The following HSPG2 variants were observed in gnomAD, a reference collection of about 807,000 sequenced individuals.
The protein encoded by HSPG2 is basement membrane-specific heparan sulfate proteoglycan core protein.
In HSPG2, 278 loss-of-function variants were observed where a neutral mutation model predicts 526.6. The observed-to-expected ratio is 0.53, with a 90% CI of 0.48 to 0.58. HSPG2 has a LOEUF of 0.58. Ranked by LOEUF, HSPG2 falls within the 20% of genes least tolerant of loss-of-function variation. The pLI is 0.00. For synonymous variants in HSPG2, 2,465 were observed against 2,555.4 expected (o/e 0.96, Z 1.07); for missense variants, 5,354 against 6,099.5 (o/e 0.88, Z 4.07).
At chr1:21,834,099 C>T (rs1017136643) in intron 77 of HSPG2, among the ~76,000 whole-genome samples, 174 bp from the exon 78 acceptor site, 3 of 152,288 alleles carry the variant, frequency 2.0e-5, no homozygotes, top group South Asian at 4.1e-4. Flanking sequence ...TGCTCCTGGT[C>T]GGGCAGAGTC....
Position 21,824,608 on chromosome 1 carries a change from C to T in HSPG2, c.12673G>A (p.Glu4225Lys), listed in dbSNP as rs367606633. 33 of 1,614,076 alleles carry T rather than the reference C, an allele frequency of 2.0e-5. No homozygotes were observed. The highest frequency in any genetic ancestry group is 4.0e-5 in the African/African-American group (3 of 75,056). Reference sequence around the variant, plus strand: ...TCCAGCTCGATGGTCTCGGGCACCTCGGGCAGGCTGCGGAGGAAGAGCGGG... The same window carrying T: ...TCCAGCTCGATGGTCTCGGGCACCTTGGGCAGGCTGCGGAGGAAGAGCGGG... ...PGHVFSRSLPEVPETIELEVR... is the reference protein window; with the variant it reads ...PGHVFSRSLPKVPETIELEVR... Residue 4225 changes from glutamate (E) to lysine (K), a missense_variant, in exon 93 of 97, where the codon GAG becomes AAG. Transcript: ENST00000374695. The surrounding 1 kb of genome is among the most constrained non-coding windows in gnomAD (Gnocchi z 5.9).
Position 21,851,617 on chromosome 1 carries a change from C to A in HSPG2, c.7087G>T (p.Val2363Leu). 6.2e-7 allele frequency: 1 copy of A among 1,613,960 alleles called. No homozygotes were observed. Among genetic ancestry groups the A allele is most frequent in the Non-Finnish European group, 8.5e-7 (1 of 1,180,038 alleles). The change falls in exon 55 of 97, where the codon GTG (valine) becomes TTG (leucine). Residue 2363 changes from valine to leucine, a missense_variant. Coordinates refer to ENST00000374695, the MANE Select transcript of HSPG2 (RefSeq NM_005529.7). ...TGGGCATGGGACTGCCCGGGCACCA[C>A]GCAGTTCAGATCCAGGGTCTGCCCT... is the stretch of plus-strand genomic sequence containing the variant. The part of the protein sequence containing the change: ...AEGQTLDLNC[V>L]VPGQSHAQVT...
intron 1 of HSPG2, among the ~76,000 whole-genome samples, chr1:21,924,344 C>T (rs1229005697): frequency 1.3e-5 from 2 of 152,122 alleles, no homozygotes; most frequent in African/African-American, 2.4e-5. Flanking sequence ...GCTATAAGTG[C>T]CCAACACAAC....
chr1:21,908,469 C>A, intron 1 of HSPG2: 1 of 838,882 alleles, frequency 1.2e-6, no homozygotes, highest in Non-Finnish European at 2.1e-6. Context: ...AGAAAGGTAC[C>A]TGGGTTCAAC....
chr1:21,894,270 G>C (rs1572391760), intron 3 of HSPG2, among the ~76,000 whole-genome samples: 1 of 152,094 alleles, frequency 6.6e-6, no homozygotes, highest in Non-Finnish European at 1.5e-5. Flanking sequence ...TCAGGGGCTG[G>C]AGTCCAGGGT....
intron 30 of HSPG2, 140 bp from the exon 31 acceptor site, chr1:21,873,231 G>A: frequency 1.7e-6 from 2 of 1,163,874 alleles, no homozygotes. Context: ...CTCGGAGGTG[G>A]TGGGGCCTTC....
At position 21,890,394 on chromosome 1, in the gene HSPG2, T is replaced by A. The variant is rs1642269008; in HGVS notation, c.413+33A>T. 4 of 1,606,202 alleles carry A rather than the reference T, an allele frequency of 2.5e-6. No homozygotes were observed. The highest frequency in any genetic ancestry group is 1.7e-4 in the Middle Eastern group (1 of 6,056). On this transcript the variant is annotated intron_variant, in intron 5 of 96. Transcript: ENST00000374695. This position sits in a 1 kb window ranked among gnomAD's most constrained non-coding sequence, Gnocchi z 4.1. Reference sequence around the variant, plus strand: ...GCCCCCTCCAGGTTACCCGCTCAAGTCCCCCAGCAGCCCCCAGGGAGCCCC... The same window carrying A: ...GCCCCCTCCAGGTTACCCGCTCAAGACCCCCAGCAGCCCCCAGGGAGCCCC...
In HSPG2 at chr1:21,824,088, G is replaced by T. The variant is rs769326200; in HGVS notation, c.12899+33C>A. ...GTCCTGCCCCACTCCAGAACGCTGG[G>T]CCCCATCCCGAGTGCCCGGCAGGGT... On this transcript the variant is annotated intron_variant, in intron 95 of 96. Coordinates refer to ENST00000374695, the MANE Select transcript of HSPG2 (RefSeq NM_005529.7). The surrounding 1 kb of genome is among the most constrained non-coding windows in gnomAD (Gnocchi z 5.9). 1.3e-6 allele frequency: 2 copies of T among 1,588,936 alleles called. No homozygotes were observed. Among genetic ancestry groups the T allele is most frequent in the East Asian group, 2.2e-5 (1 of 44,570 alleles).
At chr1:21,850,836 C>T (rs1042797175) in intron 55 of HSPG2, among the ~76,000 whole-genome samples, 3 of 152,108 alleles carry the variant, frequency 2.0e-5, no homozygotes, top group Admixed American at 6.5e-5. Flanking sequence ...TCAGTGGTAT[C>T]CTAAATTCTA....
intron 9 of HSPG2, among the ~76,000 whole-genome samples, chr1:21,886,110 T>C (rs530434386): frequency 2.6e-5 from 4 of 152,248 alleles, no homozygotes; most frequent in African/African-American, 9.6e-5. Flanking sequence ...GACCAGGAGG[T>C]AGCCGTGGGC....
chr1:21,854,338 G>A lies in HSPG2; in HGVS notation c.6294C>T (p.His2098=), dbSNP rs777974605. Residue 2098 remains histidine, a synonymous_variant, in exon 50 of 97, where the codon CAC becomes CAT. Coordinates refer to ENST00000374695, the MANE Select transcript of HSPG2 (RefSeq NM_005529.7). Reference sequence around the variant, plus strand: ...CCTGGGGGAGCCGCAGACGGGAGCCGTGCACCTGGGCCAGGAGGAGCCAGA... The same window carrying A: ...CCTGGGGGAGCCGCAGACGGGAGCCATGCACCTGGGCCAGGAGGAGCCAGA... ...GGSLPPHTQV[H]GSRLRLPQVS... The A allele has an allele frequency of 1.5e-5, 23 of 1,567,734 alleles. No homozygotes were observed. In the Admixed American group the frequency reaches 1.7e-4, roughly 12 times the overall value.
chr1:21,908,799 T>C (rs1325720397), intron 1 of HSPG2, among the ~76,000 whole-genome samples: 1 of 152,174 alleles, frequency 6.6e-6, no homozygotes, highest in African/African-American at 2.4e-5. Context: ...GTGTCCCACC[T>C]GCAAAAGGAA....
chr1:21,825,194 A>T, intron 91 of HSPG2: 1 of 268,424 alleles, frequency 3.7e-6, no homozygotes, highest in Non-Finnish European at 7.3e-6. Context: ...TTAATAAAGA[A>T]GCACATATAT....
rs1234723747 is a variant in HSPG2 at position 21,831,568 on chromosome 1, G to A, written c.11353-6C>T. On this transcript the variant is annotated splice_polypyrimidine_tract_variant and splice_region_variant and intron_variant, in intron 82 of 96. Transcript: ENST00000374695. ...TCCAGGCCCTGGAACTTGCCCTGGG[G>A]AGGTGGGGAAGTCAGGAATGGCAAC... is the stretch of plus-strand genomic sequence containing the variant. The A allele has an allele frequency of 6.2e-7, 1 of 1,614,108 alleles. No homozygotes were observed. The highest frequency in any genetic ancestry group is 1.7e-5 in the Admixed American group (1 of 60,018).
chr1:21,894,742 A>G (rs1201525737), intron 3 of HSPG2, among the ~76,000 whole-genome samples: 3 of 152,162 alleles, frequency 2.0e-5, no homozygotes, highest in Non-Finnish European at 2.9e-5. Flanking sequence ...TCTCAGAGGC[A>G]AGCCTGGCTT....
At chr1:21,888,593 C>T in intron 6 of HSPG2, 2 of 1,139,480 alleles carry the variant, frequency 1.8e-6, no homozygotes, top group South Asian at 2.7e-5. Context: ...GGCGTGAGCC[C>T]CTGCACCCGG....
At position 21,882,400 on chromosome 1, in the gene HSPG2, TACACACACACACACACACACAC is replaced by T. The variant is rs56357321; in HGVS notation, c.1655-920_1655-899del. Among the ~76,000 whole-genome samples the T allele has an allele frequency of 1.6e-4, 23 of 142,778 alleles. No homozygotes were observed. The East Asian group carries it at 2.3e-3, about 14-fold the overall frequency. 93.7% of individuals were successfully genotyped at this position (142,778 alleles called of 152,430 possible). ...TCGTCTAGTCCAACCCTCTTCTATG[TACACACACACACACACACACAC>T]ACACACACACACACACACACAGTCA... On this transcript the variant is annotated intron_variant, in intron 13 of 96. Transcript: ENST00000374695.
chr1:21,867,282 C>T (rs1158837225), intron 33 of HSPG2, among the ~76,000 whole-genome samples: 2 of 151,866 alleles, frequency 1.3e-5, no homozygotes, highest in African/African-American at 2.4e-5. Flanking sequence ...GACAGCATTT[C>T]GCTATGTTGC....
chr1:21,930,470 G>A (rs192876551), intron 1 of HSPG2, among the ~76,000 whole-genome samples: 1 of 152,228 alleles, frequency 6.6e-6, no homozygotes, highest in East Asian at 1.9e-4. Flanking sequence ...TATTCTCTGC[G>A]GTAACCTCAA....
Sources: allele counts gnomAD v4.1 joint callset (sites outside exome capture counted in the v4.1 genomes callset), GRCh38; gene constraint gnomAD v4.1.1; non-coding constraint Gnocchi (gnomAD v3.1); transcripts MANE v1.5; gene names NCBI Gene and HGNC (gene_info 2026-07-23, HGNC 2026-07-21).